The following MAGI2 variants were observed in gnomAD, a reference collection of about 807,000 sequenced individuals.
The protein encoded by MAGI2 is membrane associated guanylate kinase, WW and PDZ domain containing 2.
Under a neutral mutation model 133.3 loss-of-function variants are expected in MAGI2, and 35 were observed. That is an observed-to-expected ratio of 0.26 (90% CI 0.20 to 0.35). The LOEUF (loss-of-function observed/expected upper bound fraction) is 0.35, where lower values mean the gene tolerates loss of function less well. MAGI2 is among the 10% of genes least tolerant of loss of function. The pLI is 1.00. For synonymous variants in MAGI2, 729 were observed against 710.6 expected, an observed-to-expected ratio of 1.03 and a Z score of -0.41; for missense variants, 1,636 against 1,863.4, an observed-to-expected ratio of 0.88 and a Z score of 2.25.
intron 1 of MAGI2, among the ~76,000 whole-genome samples, chr7:79,160,373 A>G (rs1288692907): frequency 1.3e-5 from 2 of 152,072 alleles, no homozygotes; most frequent in Non-Finnish European, 2.9e-5. Flanking sequence ...TCTAAGCCCC[A>G]TGGTTACCAA....
chr7:79,308,042 G>A (rs1385857837), intron 1 of MAGI2, among the ~76,000 whole-genome samples: 1 of 152,142 alleles, frequency 6.6e-6, no homozygotes. Context: ...GGGGAGCTGG[G>A]ATTGGAAACT....
chr7:78,671,284 T>C (rs1337696885), intron 2 of MAGI2, among the ~76,000 whole-genome samples: 12 of 145,410 alleles, frequency 8.3e-5, no homozygotes, highest in East Asian at 2.0e-4. Flanking sequence ...TCTCTCTCTT[T>C]TTTTTTTTTT....
intron 1 of MAGI2, among the ~76,000 whole-genome samples, chr7:79,071,919 G>A (rs1322005936): frequency 6.6e-6 from 1 of 152,162 alleles, no homozygotes; most frequent in Non-Finnish European, 1.5e-5. Flanking sequence ...GACCCACTGA[G>A]CCAGGTACTG....
chr7:78,775,320 TA>T (rs3086258), intron 2 of MAGI2, among the ~76,000 whole-genome samples: 285 of 57,282 alleles, frequency 5.0e-3, no homozygotes, highest in Middle Eastern at 0.011. Flanking sequence ...CGTCTCAAAT[TA>T]AAAAAAAAAA....
At chr7:78,031,362 A>G (rs903656646) in intron 21 of MAGI2, among the ~76,000 whole-genome samples, 3 of 152,222 alleles carry the variant, frequency 2.0e-5, no homozygotes, top group Non-Finnish European at 2.9e-5. Flanking sequence ...TGTAAATAAT[A>G]CTCAATTTTT....
At chr7:78,637,718 T>C (rs920786412) in intron 2 of MAGI2, among the ~76,000 whole-genome samples, 22 of 152,214 alleles carry the variant, frequency 1.4e-4, no homozygotes, top group Admixed American at 1.0e-3. Flanking sequence ...ACCATATTGT[T>C]TTATTAATTC....
chr7:78,597,799 A>G (rs765049978), intron 3 of MAGI2, among the ~76,000 whole-genome samples: 8 of 152,074 alleles, frequency 5.3e-5, no homozygotes, highest in Non-Finnish European at 1.2e-4. Context: ...ATATCTTTAC[A>G]AGGTTTCTTA....
chr7:78,748,561 A>C (rs1240849928), intron 2 of MAGI2, among the ~76,000 whole-genome samples: 1 of 152,200 alleles, frequency 6.6e-6, no homozygotes, highest in Non-Finnish European at 1.5e-5. Flanking sequence ...TATAAATCCT[A>C]TGTTATTTGT....
intron 10 of MAGI2, among the ~76,000 whole-genome samples, chr7:78,211,030 A>C (rs1787719181): frequency 6.6e-6 from 1 of 152,210 alleles, no homozygotes; most frequent in African/African-American, 2.4e-5. Flanking sequence ...TGGTGGGATA[A>C]GCATGCTAAC....
chr7:79,317,537 A>G (rs1002116318), intron 1 of MAGI2, among the ~76,000 whole-genome samples: 4 of 152,224 alleles, frequency 2.6e-5, no homozygotes, highest in African/African-American at 9.6e-5. Context: ...AATACCTTAT[A>G]TTTCATCAGG....
At chr7:78,363,564 G>A (rs1793073652) in intron 7 of MAGI2, among the ~76,000 whole-genome samples, 1 of 143,828 alleles carries the variant, frequency 7.0e-6, no homozygotes, top group Non-Finnish European at 1.5e-5. Context: ...TATTCATTGT[G>A]GCATACTCTG....
intron 2 of MAGI2, among the ~76,000 whole-genome samples, chr7:78,912,782 C>CATAT (rs1329053273): frequency 1.4e-5 from 2 of 141,376 alleles, no homozygotes; most frequent in Non-Finnish European, 3.0e-5. Context: ...ATATATCATT[C>CATAT]ATATATATAT....
intron 1 of MAGI2, among the ~76,000 whole-genome samples, chr7:79,104,690 C>T (rs1251962735): frequency 4.0e-5 from 6 of 151,484 alleles, no homozygotes; most frequent in Admixed American, 2.0e-4. Context: ...AAATAAATAA[C>T]AATGTTTAAA....
chr7:78,974,962 C>T (rs1194168755), intron 2 of MAGI2, among the ~76,000 whole-genome samples: 2 of 151,438 alleles, frequency 1.3e-5, no homozygotes, highest in South Asian at 2.1e-4. Flanking sequence ...ACAATGGGGT[C>T]GATTTTTAAA....
rs567401724 is a variant in MAGI2, at chr7:79,426,547, G to A, written c.301+26473C>T. On this transcript the variant is annotated intron_variant, in intron 1 of 21. Coordinates refer to ENST00000354212, the MANE Select transcript of MAGI2 (RefSeq NM_012301.4). ...ATCTTCTCTCCTGAGGAGTTAAAGC[G>A]AAGATATTGGTTATTTATATGTTGA... Among the ~76,000 whole-genome samples the A allele has an allele frequency of 7.4e-4, 112 of 152,236 alleles. 1 individual carries two copies. In the Middle Eastern group the frequency reaches 0.014, roughly 18 times the overall value.
chr7:78,564,564 A>G (rs1800737976), intron 3 of MAGI2, among the ~76,000 whole-genome samples: 1 of 152,114 alleles, frequency 6.6e-6, no homozygotes, highest in African/African-American at 2.4e-5. Flanking sequence ...TAACGTAAGG[A>G]GTTAGGAGCC....
At chr7:78,437,324 T>G (rs1426439283) in intron 6 of MAGI2, among the ~76,000 whole-genome samples, 1 of 152,142 alleles carries the variant, frequency 6.6e-6, no homozygotes, top group Non-Finnish European at 1.5e-5. Context: ...TACTTTCTAC[T>G]AAATGACTCA....
chr7:79,042,616 CTTTGAT>C (rs1811775114), intron 1 of MAGI2, among the ~76,000 whole-genome samples: 2 of 152,138 alleles, frequency 1.3e-5, no homozygotes, highest in African/African-American at 4.8e-5. Context: ...CTTACAAAGA[CTTTGAT>C]AACCACACAA....
At chr7:79,324,421 A>G (rs1839439402) in intron 1 of MAGI2, among the ~76,000 whole-genome samples, 1 of 114,694 alleles carries the variant, frequency 8.7e-6, no homozygotes, top group South Asian at 2.7e-4. Context: ...GTATCTATCT[A>G]TAACCATATA....
Sources: allele counts gnomAD v4.1 joint callset (sites outside exome capture counted in the v4.1 genomes callset), GRCh38; gene constraint gnomAD v4.1.1; transcripts MANE v1.5; gene names NCBI Gene and HGNC (gene_info 2026-07-23, HGNC 2026-07-21).